ADAM17: variants seen among roughly 807,000 people sequenced by gnomAD.
ADAM17 encodes ADAM metallopeptidase domain 17, also known as disintegrin and metalloproteinase domain-containing protein 17.
A neutral mutation model predicts 96.7 loss-of-function variants in ADAM17; 39 were observed. The ratio of observed to expected loss-of-function variants is 0.40; its 90% CI spans 0.31 to 0.53. The LOEUF is 0.53. Ranked by LOEUF, ADAM17 falls within the 20% of genes least tolerant of loss-of-function variation. The pLI is 0.44. For missense variants in ADAM17, 777 were observed against 1,013.2 expected, an observed-to-expected ratio of 0.77 and a Z score of 3.17; for synonymous variants, 344 against 359.2, an observed-to-expected ratio of 0.96 and a Z score of 0.48.
intron 12 of ADAM17, among the ~76,000 whole-genome samples, chr2:9,502,572 T>C (rs943812722): frequency 4.6e-5 from 7 of 152,016 alleles, no homozygotes; most frequent in African/African-American, 1.7e-4. Context: ...AACGCATTAA[T>C]TTAAAAAAGA....
In ADAM17 at chr2:9,521,300, G is replaced by T. The variant is rs1052300902; in HGVS notation, c.860C>A (p.Ser287Tyr). Residue 287 changes from serine (S) to tyrosine (Y), a missense_variant, in exon 8 of 19, where the codon TCT (serine) becomes TAT (tyrosine). Physicochemically the swap from Ser to Tyr is moderately radical, Grantham distance 144. This residue lies in a region of ADAM17 where 446 missense variants were observed against 664.7 expected (regional missense o/e 0.67). Coordinates refer to ENST00000310823, the MANE Select transcript of ADAM17 (RefSeq NM_003183.6). Reference sequence around the variant, plus strand: ...TTCACCAGGTTTTACCTCTTGTGGAGACTTGAGAATGCGAATCTATACTTA... The same window carrying T: ...TTCACCAGGTTTTACCTCTTGTGGATACTTGAGAATGCGAATCTATACTTA... The part of the protein sequence containing the change: ...IQIEQIRILK[S>Y]PQEVKPGEKH... The T allele has an allele frequency of 6.2e-7, 1 of 1,606,714 alleles. No homozygotes were observed. Among genetic ancestry groups the T allele is most frequent in the South Asian group, 1.1e-5 (1 of 90,910 alleles).
chr2:9,517,966 T>C lies in ADAM17; in HGVS notation c.1126A>G (p.Lys376Glu), dbSNP rs750470899. Reference sequence around the variant, plus strand: ...AAACCACTATTCAAATAGATATTTTTCTTCCCAACTGGGCTATAATAAGCT... The same window carrying C: ...AAACCACTATTCAAATAGATATTTTCCTTCCCAACTGGGCTATAATAAGCT... ...PKAYYSPVGK[K>E]NIYLNSGLTS... Residue 376 changes from lysine to glutamate, a missense_variant, in exon 10 of 19, where the codon AAA becomes GAA. Coordinates refer to ENST00000310823, the MANE Select transcript of ADAM17 (RefSeq NM_003183.6). 1 of 1,604,116 alleles carries C rather than the reference T, an allele frequency of 6.2e-7. No individual in the cohort carries two copies.
At chr2:9,522,076 T>C (rs984385747) in intron 7 of ADAM17, 8 of 216,822 alleles carry the variant, frequency 3.7e-5, no homozygotes, top group Non-Finnish European at 5.4e-5. Flanking sequence ...TATTCCTGTT[T>C]CTTCGACTGG....
intron 7 of ADAM17, chr2:9,521,915 C>T (rs1664331244): frequency 6.6e-6 from 1 of 150,514 alleles, no homozygotes; most frequent in Non-Finnish European, 1.5e-5. Context: ...GGTAAGTTTA[C>T]TGGGGTGGAC....
intron 12 of ADAM17, among the ~76,000 whole-genome samples, chr2:9,503,965 C>T (rs1354265388): frequency 6.6e-6 from 1 of 151,930 alleles, no homozygotes; most frequent in Admixed American, 6.6e-5. Context: ...CAAGCTTGGG[C>T]AACATGGCAA....
At chr2:9,507,423 A>G (rs1289882708) in intron 11 of ADAM17, among the ~76,000 whole-genome samples, 1 of 152,066 alleles carries the variant, frequency 6.6e-6, no homozygotes, top group Non-Finnish European at 1.5e-5. Flanking sequence ...AATCGCTTGA[A>G]CCTGGGAGGT....
rs1344174752 is a variant in ADAM17, at chr2:9,494,624, C to T, written c.1914+13G>A. The T allele has an allele frequency of 1.2e-6, 2 of 1,612,956 alleles. No homozygotes were observed. Among genetic ancestry groups the T allele is most frequent in the Non-Finnish European group, 1.7e-6 (2 of 1,179,548 alleles). ...TCTGGCTGTTACAGAAAAAGCTGTA[C>T]ATAAATACTCACATTCATGTCACAA... On this transcript the variant is annotated intron_variant, in intron 15 of 18. Coordinates refer to ENST00000310823, the MANE Select transcript of ADAM17 (RefSeq NM_003183.6).
At chr2:9,548,553 T>C (rs940494029) in intron 1 of ADAM17, among the ~76,000 whole-genome samples, 6 of 151,810 alleles carry the variant, frequency 4.0e-5, no homozygotes, top group African/African-American at 1.5e-4. Flanking sequence ...TGAAAGATTC[T>C]GGAGTTTTGA....
chr2:9,523,157 T>C (rs765060755), intron 7 of ADAM17, 92 bp downstream of exon 7: 498 of 902,454 alleles, frequency 5.5e-4, no homozygotes, highest in Non-Finnish European at 7.7e-4. Context: ...TTACAATTAT[T>C]GTTAAGGACA....
chr2:9,490,810 A>C (rs1662072029), intron 18 of ADAM17, among the ~76,000 whole-genome samples: 1 of 152,236 alleles, frequency 6.6e-6, no homozygotes. Context: ...TCTCAAGGTA[A>C]GATCCCAAGA....
chr2:9,510,198 G>A (rs1649968978), intron 10 of ADAM17, 67 bp from the exon 11 acceptor site: 2 of 1,555,898 alleles, frequency 1.3e-6, no homozygotes, highest in South Asian at 1.1e-5. Context: ...TGCCAGTTGG[G>A]CCTATGCTGT....
chr2:9,534,429 G>C (rs1664873360), intron 4 of ADAM17, among the ~76,000 whole-genome samples: 1 of 151,686 alleles, frequency 6.6e-6, no homozygotes, highest in Admixed American at 6.6e-5. Context: ...CAGCTACTTG[G>C]GAGGCTAAGG....
intron 2 of ADAM17, among the ~76,000 whole-genome samples, chr2:9,542,311 G>A (rs1250868701): frequency 6.6e-6 from 1 of 152,102 alleles, no homozygotes; most frequent in Non-Finnish European, 1.5e-5. Flanking sequence ...AGGCCAAGAT[G>A]GAAAGACCAC....
intron 11 of ADAM17, among the ~76,000 whole-genome samples, chr2:9,509,369 T>C (rs967514424): frequency 6.6e-6 from 1 of 152,324 alleles, no homozygotes; most frequent in Middle Eastern, 3.4e-3. Context: ...CTGAAAGTGT[T>C]TTACAGTATC....
rs73151553 is a variant in ADAM17 at position 9,535,342 on chromosome 2, T to C, written c.450+492A>G. On this transcript the variant is annotated intron_variant, in intron 4 of 18. Coordinates refer to ENST00000310823, the MANE Select transcript of ADAM17 (RefSeq NM_003183.6). Reference sequence around the variant, plus strand: ...ACAGATAGATATGTGTCTTAACCAATGCAGCCACTGTGGTCTTGATTTCTA... The same window carrying C: ...ACAGATAGATATGTGTCTTAACCAACGCAGCCACTGTGGTCTTGATTTCTA... 6.1e-3 allele frequency among the ~76,000 whole-genome samples: 936 copies of C among 152,350 alleles called. 8 individuals carry two copies. Among genetic ancestry groups the C allele is most frequent in the African/African-American group, 0.022 (901 of 41,576 alleles).
chr2:9,494,333 G>C (rs1662390642), intron 15 of ADAM17, among the ~76,000 whole-genome samples: 1 of 152,146 alleles, frequency 6.6e-6, no homozygotes, highest in Admixed American at 6.5e-5. Context: ...AGTCAGTTCT[G>C]TAAGTAATCT....
At chr2:9,505,581 G>A in intron 11 of ADAM17, 1 of 565,970 alleles carries the variant, frequency 1.8e-6, no homozygotes, top group South Asian at 2.1e-5. Context: ...ATGTGAACTT[G>A]GTTAAGGATC....
intron 4 of ADAM17, among the ~76,000 whole-genome samples, chr2:9,534,259 C>T (rs1011305417): frequency 6.6e-6 from 1 of 152,156 alleles, no homozygotes; most frequent in African/African-American, 2.4e-5. Flanking sequence ...GTCTGAGCTA[C>T]TCAAGGGTCT....
chr2:9,535,740 A>G (rs1280600868), intron 4 of ADAM17, 94 bp downstream of exon 4: 3 of 713,192 alleles, frequency 4.2e-6, no homozygotes. Context: ...GAGGAAAGAA[A>G]TAAGTATAAT....
Sources: gnomAD v4.1 joint callset for allele counts (sites outside exome capture counted in the v4.1 genomes callset) on GRCh38, gnomAD v4.1.1 for gene constraint, gnomAD v4.1.1 regional missense constraint, MANE v1.5 for transcripts, NCBI Gene and HGNC (gene_info 2026-07-23, HGNC 2026-07-21) for gene names.